PDE7B: variants seen among roughly 807,000 people sequenced by gnomAD.
The protein encoded by PDE7B is 3',5'-cyclic-AMP phosphodiesterase 7B.
Under a neutral mutation model 56.2 loss-of-function variants are expected in PDE7B, and 29 were observed. The ratio of observed to expected loss-of-function variants is 0.52; its 90% CI spans 0.38 to 0.70. The LOEUF is 0.70. Among genes scored for constraint, PDE7B ranks in the 30% least tolerant of loss-of-function variants. The probability of loss-of-function intolerance (pLI) is 0.00; values close to 1 mark genes in which losing one functional copy is unlikely to be tolerated. For missense variants in PDE7B, 490 were observed against 565.0 expected, an observed-to-expected ratio of 0.87 and a Z score of 1.35; for synonymous variants, 197 against 196.9, an observed-to-expected ratio of 1.00 and a Z score of 0.00.
At chr6:136,144,506 A>T (rs1483600941) in intron 3 of PDE7B, among the ~76,000 whole-genome samples, 11 of 152,172 alleles carry the variant, frequency 7.2e-5, no homozygotes, top group African/African-American at 2.4e-4. Flanking sequence ...GTCAACATTC[A>T]AGTTTTGAAA....
Position 136,186,902 on chromosome 6 carries a change from C to A in PDE7B, c.1046-134C>A, listed in dbSNP as rs914376552. 6.0e-6 allele frequency: 4 copies of A among 667,098 alleles called. No individual in the cohort carries two copies. In the African/African-American group the frequency reaches 7.3e-5, roughly 12 times the overall value. The allele number at this position is 667,098 out of a possible 1,614,324, so 41.3% of individuals were successfully genotyped here. ...GCAGAGCAAGTCGGTGCTGAAGGGT[C>A]CCTAAGGGATAACAAGTCAGGAAAC... On this transcript the variant is annotated intron_variant, in intron 11 of 12. Coordinates refer to ENST00000308191, the MANE Select transcript of PDE7B (RefSeq NM_018945.4).
chr6:135,903,383 T>G (rs1195578974), intron 1 of PDE7B, among the ~76,000 whole-genome samples: 1 of 152,218 alleles, frequency 6.6e-6, no homozygotes, highest in African/African-American at 2.4e-5. Context: ...TGTGTGTTTC[T>G]ACCACCTACA....
intron 1 of PDE7B, among the ~76,000 whole-genome samples, chr6:135,903,330 C>A (rs1776039021): frequency 6.6e-6 from 1 of 152,172 alleles, no homozygotes; most frequent in Non-Finnish European, 1.5e-5. Flanking sequence ...CTAAAGATTG[C>A]ACAGCTGGTA....
At chr6:136,072,169 A>G (rs1226691864) in intron 2 of PDE7B, among the ~76,000 whole-genome samples, 1 of 152,216 alleles carries the variant, frequency 6.6e-6, no homozygotes, top group Non-Finnish European at 1.5e-5. Context: ...ATATAATGGC[A>G]AATACAATAA....
chr6:135,981,214 C>T (rs866885189), intron 2 of PDE7B, among the ~76,000 whole-genome samples: 6 of 145,066 alleles, frequency 4.1e-5, no homozygotes, highest in Middle Eastern at 3.7e-3. Context: ...TATTCTCACT[C>T]ATAGGTGGGA....
chr6:136,167,108 C>A (rs570690152), intron 8 of PDE7B, among the ~76,000 whole-genome samples: 1 of 152,222 alleles, frequency 6.6e-6, no homozygotes, highest in South Asian at 2.1e-4. Context: ...TGCCTTCAAG[C>A]TTTTGCTCAA....
At position 136,100,580 on chromosome 6, in the gene PDE7B, T is replaced by C. The variant is rs559115504; in HGVS notation, c.83-8151T>C. On this transcript the variant is annotated intron_variant, in intron 2 of 12. Transcript: ENST00000308191. Reference sequence around the variant, plus strand: ...ATTTAGTTCTCTGTTTGTCTGTTAGTGGTGTATGGAATGCTTGTGATTTTT... The same window carrying C: ...ATTTAGTTCTCTGTTTGTCTGTTAGCGGTGTATGGAATGCTTGTGATTTTT... Among the ~76,000 whole-genome samples, 189 of 152,298 alleles carry C rather than the reference T, an allele frequency of 1.2e-3. 1 individual carries two copies. Among genetic ancestry groups the C allele is most frequent in the African/African-American group, 4.3e-3 (179 of 41,552 alleles).
chr6:135,919,481 C>G (rs1774025062), intron 1 of PDE7B, among the ~76,000 whole-genome samples: 1 of 152,210 alleles, frequency 6.6e-6, no homozygotes, highest in Non-Finnish European at 1.5e-5. Context: ...GTGAATCGCT[C>G]TATTAGTCCC....
chr6:135,885,796 G>A (rs1331081806), intron 1 of PDE7B, among the ~76,000 whole-genome samples: 1 of 152,214 alleles, frequency 6.6e-6, no homozygotes, highest in Non-Finnish European at 1.5e-5. Context: ...TGCACATTGT[G>A]ATAGCAAGCA....
chr6:136,068,677 C>G (rs1158956437), intron 2 of PDE7B, among the ~76,000 whole-genome samples: 1 of 151,990 alleles, frequency 6.6e-6, no homozygotes, highest in Non-Finnish European at 1.5e-5. Context: ...GTGATCCACC[C>G]GCCTCGGCCT....
At chr6:135,906,734 G>GATTA (rs1776111922) in intron 1 of PDE7B, among the ~76,000 whole-genome samples, 2 of 145,114 alleles carry the variant, frequency 1.4e-5, no homozygotes, top group Admixed American at 1.4e-4. Flanking sequence ...GTGTCCTGAT[G>GATTA]TAATGACTCA....
At chr6:136,029,483 C>T (rs1419478383) in intron 2 of PDE7B, among the ~76,000 whole-genome samples, 2 of 152,144 alleles carry the variant, frequency 1.3e-5, no homozygotes, top group African/African-American at 4.8e-5. Context: ...ATGTTAACGT[C>T]AAATGCAAAG....
intron 10 of PDE7B, 41 bp downstream of exon 10, chr6:136,179,182 AAC>A: frequency 6.3e-7 from 1 of 1,592,244 alleles, no homozygotes; most frequent in African/African-American, 1.3e-5. Context: ...GCTGAGTGAA[AAC>A]ACTCAGCTGG....
At chr6:135,961,003 A>T (rs1774889895) in intron 2 of PDE7B, among the ~76,000 whole-genome samples, 1 of 152,180 alleles carries the variant, frequency 6.6e-6, no homozygotes, top group Non-Finnish European at 1.5e-5. Context: ...GAACACAGCC[A>T]TGTCCATTCA....
At chr6:136,102,828 A>G (rs978051988) in intron 2 of PDE7B, among the ~76,000 whole-genome samples, 1 of 152,164 alleles carries the variant, frequency 6.6e-6, no homozygotes, top group Non-Finnish European at 1.5e-5. Flanking sequence ...TACTATTTAC[A>G]TATTCACTTT....
At chr6:136,141,215 T>G (rs1319739238) in intron 3 of PDE7B, among the ~76,000 whole-genome samples, 2 of 152,202 alleles carry the variant, frequency 1.3e-5, no homozygotes, top group Non-Finnish European at 2.9e-5. Flanking sequence ...CTGCGTCTAT[T>G]GAGATAATCA....
At chr6:135,860,623 G>T (rs1047515505) in intron 1 of PDE7B, among the ~76,000 whole-genome samples, 2 of 151,954 alleles carry the variant, frequency 1.3e-5, no homozygotes, top group African/African-American at 4.8e-5. Context: ...TTATTTGTTA[G>T]ATTAAGGTGT....
chr6:136,087,433 G>GA (rs1306103571), intron 2 of PDE7B, among the ~76,000 whole-genome samples: 5 of 150,752 alleles, frequency 3.3e-5, no homozygotes, highest in East Asian at 1.9e-4. Flanking sequence ...AGCAAAGAAA[G>GA]AAAAAAAAAG....
intron 1 of PDE7B, among the ~76,000 whole-genome samples, chr6:135,866,820 T>G (rs1251741671): frequency 2.0e-5 from 3 of 152,204 alleles, no homozygotes; most frequent in Non-Finnish European, 4.4e-5. Flanking sequence ...ACACTAGCCA[T>G]GTCCTGTGGA....
Sources: allele counts gnomAD v4.1 joint callset (sites outside exome capture counted in the v4.1 genomes callset), GRCh38; gene constraint gnomAD v4.1.1; transcripts MANE v1.5; gene names NCBI Gene and HGNC (gene_info 2026-07-23, HGNC 2026-07-21).